ANKRD44: variants seen among roughly 807,000 people sequenced by gnomAD.
ANKRD44 encodes serine/threonine-protein phosphatase 6 regulatory ankyrin repeat subunit B.
Under a neutral mutation model 116.0 loss-of-function variants are expected in ANKRD44, and 35 were observed. The observed-to-expected ratio is 0.30, with a 90% CI of 0.23 to 0.40. The LOEUF (loss-of-function observed/expected upper bound fraction) is 0.40, where lower values mean the gene tolerates loss of function less well. ANKRD44 is among the 10% of genes least tolerant of loss of function. The pLI is 1.00. For missense variants in ANKRD44, 1,014 were observed against 1,242.6 expected (o/e 0.82, Z 2.77); for synonymous variants, 435 against 461.8 (o/e 0.94, Z 0.74).
intron 16 of ANKRD44, among the ~76,000 whole-genome samples, chr2:197,048,260 T>C (rs1014322986): frequency 2.0e-5 from 3 of 152,328 alleles, no homozygotes; most frequent in Non-Finnish European, 4.4e-5. Context: ...TACATAGCTA[T>C]ACATATGCCA....
intron 23 of ANKRD44, among the ~76,000 whole-genome samples, chr2:196,999,417 C>T (rs544773201): frequency 6.6e-5 from 10 of 152,122 alleles, no homozygotes; most frequent in African/African-American, 2.2e-4. Flanking sequence ...TTTAAAAACC[C>T]GTCACATCAT....
At chr2:197,005,970 T>G in intron 20 of ANKRD44, 60 bp from the exon 21 acceptor site, 1 of 1,541,882 alleles carries the variant, frequency 6.5e-7, no homozygotes, top group Non-Finnish European at 8.9e-7. Context: ...AGCAAAGCAG[T>G]TGGCTAAGTG....
At chr2:197,284,578 A>C (rs2083355700) in intron 1 of ANKRD44, among the ~76,000 whole-genome samples, 1 of 151,644 alleles carries the variant, frequency 6.6e-6, no homozygotes, top group Non-Finnish European at 1.5e-5. Flanking sequence ...TAGAAATATG[A>C]CTCATTAAAA....
intron 1 of ANKRD44, among the ~76,000 whole-genome samples, chr2:197,242,272 A>ATATTTTATAATATAATGG (rs1171452478): frequency 6.6e-6 from 1 of 152,204 alleles, no homozygotes; most frequent in African/African-American, 2.4e-5. Flanking sequence ...TATGTAGCAA[A>ATATTTTATAATATAATGG]TATTTTATAA....
At chr2:197,200,331 C>T (rs1362135537) in intron 1 of ANKRD44, among the ~76,000 whole-genome samples, 1 of 152,012 alleles carries the variant, frequency 6.6e-6, no homozygotes, top group Non-Finnish European at 1.5e-5. Flanking sequence ...TTGAACAAGG[C>T]CTGAACATGG....
intron 1 of ANKRD44, among the ~76,000 whole-genome samples, chr2:197,310,226 G>T (rs1325017920): frequency 6.6e-6 from 1 of 151,584 alleles, no homozygotes; most frequent in Non-Finnish European, 1.5e-5. Flanking sequence ...CCGGGCCGGC[G>T]GCGCCCACGC....
intron 1 of ANKRD44, among the ~76,000 whole-genome samples, chr2:197,231,792 T>C (rs973791769): frequency 6.6e-6 from 1 of 152,132 alleles, no homozygotes; most frequent in Non-Finnish European, 1.5e-5. Flanking sequence ...TGTTCATGCA[T>C]CTGTCATGAC....
chr2:197,115,625 C>T (rs911942095), intron 8 of ANKRD44, among the ~76,000 whole-genome samples: 5 of 152,160 alleles, frequency 3.3e-5, no homozygotes, highest in African/African-American at 9.6e-5. Flanking sequence ...ACAAAGTGAA[C>T]ATGTGGATAG....
At chr2:197,285,747 A>G (rs1449388099) in intron 1 of ANKRD44, among the ~76,000 whole-genome samples, 1 of 152,230 alleles carries the variant, frequency 6.6e-6, no homozygotes, top group East Asian at 1.9e-4. Flanking sequence ...AACAAAAAGG[A>G]AAGAAAACAT....
chr2:197,129,181 G>T (rs1312417583), intron 4 of ANKRD44, among the ~76,000 whole-genome samples: 2 of 150,364 alleles, frequency 1.3e-5, no homozygotes, highest in African/African-American at 2.5e-5. Flanking sequence ...CTTTCGCCCA[G>T]CCTGGAGTGC....
intron 16 of ANKRD44, among the ~76,000 whole-genome samples, chr2:197,030,738 G>A (rs543840330): frequency 6.8e-6 from 1 of 147,798 alleles, no homozygotes; most frequent in South Asian, 2.1e-4. Context: ...TTTTTTTTTT[G>A]CTTAAAAGAG....
At chr2:197,000,389 G>C in intron 23 of ANKRD44, 30 bp downstream of exon 23, 1 of 1,574,112 alleles carries the variant, frequency 6.4e-7, no homozygotes, top group Non-Finnish European at 8.7e-7. Flanking sequence ...GATTCATCAA[G>C]AAAAAAGCAT....
intron 16 of ANKRD44, among the ~76,000 whole-genome samples, chr2:197,033,390 G>A (rs748896513): frequency 6.6e-6 from 1 of 152,246 alleles, no homozygotes; most frequent in East Asian, 1.9e-4. Context: ...GATAAAAGCC[G>A]AAAGTTAGTA....
intron 1 of ANKRD44, chr2:197,198,146 T>G (rs1236386702): frequency 6.6e-6 from 1 of 152,266 alleles, no homozygotes; most frequent in African/African-American, 2.4e-5. Context: ...CTAGGGAGCC[T>G]GAACATACAC....
chr2:197,148,114 T>C (rs541546056), intron 2 of ANKRD44, among the ~76,000 whole-genome samples: 1 of 152,128 alleles, frequency 6.6e-6, no homozygotes, highest in Non-Finnish European at 1.5e-5. Context: ...AGAGGACTGA[T>C]AAGAGGACTA....
At chr2:197,149,934 T>A (rs575566769) in intron 2 of ANKRD44, among the ~76,000 whole-genome samples, 17 of 151,492 alleles carry the variant, frequency 1.1e-4, no homozygotes, top group African/African-American at 4.1e-4. Flanking sequence ...AGAATAGTAG[T>A]AATAATACTG....
At chr2:197,053,042 G>A (rs182575194) in intron 16 of ANKRD44, among the ~76,000 whole-genome samples, 76 of 152,166 alleles carry the variant, frequency 5.0e-4, no homozygotes, top group Middle Eastern at 3.4e-3. Context: ...ATAGTGGTGC[G>A]TGCCTGTAGT....
At chr2:196,990,943 G>A (rs2075904639) in intron 27 of ANKRD44, 1 of 1,232,036 alleles carries the variant, frequency 8.1e-7, no homozygotes, top group African/African-American at 1.6e-5. Context: ...CGTAAATGCA[G>A]ACAAGGCAGT....
chr2:197,278,557 A>G (rs941297333), intron 1 of ANKRD44, among the ~76,000 whole-genome samples: 1 of 152,158 alleles, frequency 6.6e-6, no homozygotes, highest in South Asian at 2.1e-4. Flanking sequence ...GGGTTTCACC[A>G]TGCTGGTCTC....
Sources: allele counts gnomAD v4.1 joint callset (sites outside exome capture counted in the v4.1 genomes callset), GRCh38; gene constraint gnomAD v4.1.1; transcripts MANE v1.5; gene names NCBI Gene and HGNC (gene_info 2026-07-23, HGNC 2026-07-21).